Variants in TNPO3 observed in about 807,000 individuals in gnomAD.
The protein encoded by TNPO3 is transportin 3.
A neutral mutation model predicts 122.8 loss-of-function variants in TNPO3; 65 were observed. The ratio of observed to expected loss-of-function variants is 0.53; its 90% CI spans 0.43 to 0.65. The LOEUF (loss-of-function observed/expected upper bound fraction) is 0.65, where lower values mean the gene tolerates loss of function less well. TNPO3 is among the 30% of genes least tolerant of loss of function. The pLI is 0.00. For missense variants in TNPO3, 850 were observed against 1,136.7 expected (o/e 0.75, Z 3.63); for synonymous variants, 372 against 411.2 (o/e 0.90, Z 1.15).
intron 1 of TNPO3, among the ~76,000 whole-genome samples, chr7:129,044,221 C>T (rs1378965342): frequency 1.3e-5 from 2 of 152,230 alleles, no homozygotes; most frequent in African/African-American, 4.8e-5. Context: ...AGCCACTGCG[C>T]CTGGCCTTTT....
intron 22 of TNPO3, among the ~76,000 whole-genome samples, chr7:128,956,678 G>T (rs113844426): frequency 5.6e-4 from 85 of 152,264 alleles, no homozygotes; most frequent in Non-Finnish European, 1.1e-3. Context: ...ACTTCTGAAA[G>T]TGTTTTTTCC....
At chr7:129,053,553 G>C (rs1379193846) in intron 1 of TNPO3, among the ~76,000 whole-genome samples, 1 of 144,672 alleles carries the variant, frequency 6.9e-6, no homozygotes, top group African/African-American at 2.6e-5. Flanking sequence ...TTTTTAAAAA[G>C]TCAAAGTTGC....
intron 1 of TNPO3, among the ~76,000 whole-genome samples, chr7:129,047,884 A>G (rs901287868): frequency 6.6e-6 from 1 of 152,172 alleles, no homozygotes; most frequent in African/African-American, 2.4e-5. Flanking sequence ...AAAAACCACC[A>G]CACACATTAC....
intron 5 of TNPO3, among the ~76,000 whole-genome samples, chr7:129,002,645 A>G (rs765637141): frequency 6.6e-5 from 10 of 152,294 alleles, no homozygotes; most frequent in South Asian, 6.2e-4. Flanking sequence ...CGAGCTGGGC[A>G]TGGTGGCTCA....
chr7:128,962,376 A>G (rs1797553510), intron 21 of TNPO3, among the ~76,000 whole-genome samples: 1 of 151,544 alleles, frequency 6.6e-6, no homozygotes, highest in Admixed American at 6.6e-5. Context: ...CGTCTCAAAA[A>G]AAAAAAAAAA....
At chr7:129,048,331 C>G (rs1000380069) in intron 1 of TNPO3, among the ~76,000 whole-genome samples, 3 of 152,148 alleles carry the variant, frequency 2.0e-5, no homozygotes, top group Non-Finnish European at 4.4e-5. Flanking sequence ...GAGTTTGAGA[C>G]AAACCTGGCC....
chr7:129,018,052 A>C lies in TNPO3; in HGVS notation c.226T>G (p.Tyr76Asp). ...TMKMKIQTSF[Y>D]ELPTDSHASL... ...GCATGAGAGTCTGTGGGGAGCTCAT[A>C]AAATGAGGTCTGAATCTTCATTTTC... The change falls in exon 2 of 23, where the codon TAT becomes GAT. Residue 76 changes from tyrosine to aspartate, a missense_variant. By Grantham distance (160) the Tyr-to-Asp change is radical (BLOSUM62 -3). Transcript: ENST00000265388. The C allele has an allele frequency of 6.2e-7, 1 of 1,614,184 alleles. No individual in the cohort carries two copies. The highest frequency in any genetic ancestry group is 8.5e-7 in the Non-Finnish European group (1 of 1,180,032).
chr7:129,028,578 C>T (rs1218638258), intron 1 of TNPO3, among the ~76,000 whole-genome samples: 1 of 152,200 alleles, frequency 6.6e-6, no homozygotes, highest in Non-Finnish European at 1.5e-5. Flanking sequence ...CAAGGTCAGT[C>T]CCGGCAGCCA....
At chr7:128,967,591 C>T (rs867173753) in intron 20 of TNPO3, among the ~76,000 whole-genome samples, 199 bp from the exon 21 acceptor site, 8 of 152,214 alleles carry the variant, frequency 5.3e-5, no homozygotes, top group Non-Finnish European at 8.8e-5. Context: ...CATATGCATG[C>T]CTAGACTTCC....
intron 17 of TNPO3, among the ~76,000 whole-genome samples, chr7:128,975,225 G>T (rs1341339663): frequency 1.3e-5 from 2 of 152,214 alleles, no homozygotes; most frequent in African/African-American, 4.8e-5. Context: ...CTCAACAGAT[G>T]TCATCTCAAA....
At chr7:129,003,935 T>A (rs1802287647) in intron 5 of TNPO3, among the ~76,000 whole-genome samples, 1 of 152,232 alleles carries the variant, frequency 6.6e-6, no homozygotes, top group African/African-American at 2.4e-5. Context: ...TAATCACATG[T>A]ACATTTTTTA....
intron 9 of TNPO3, among the ~76,000 whole-genome samples, chr7:128,992,968 C>A (rs1800907381): frequency 6.7e-6 from 1 of 149,554 alleles, no homozygotes; most frequent in Non-Finnish European, 1.5e-5. Context: ...CAGAGGTCAT[C>A]TGTCTAAGAT....
At chr7:128,970,338 A>T (rs373643212) in intron 19 of TNPO3, 23 bp from the exon 20 acceptor site, 1 of 1,548,318 alleles carries the variant, frequency 6.5e-7, no homozygotes, top group Non-Finnish European at 8.7e-7. Flanking sequence ...AAGCAGGAAC[A>T]TCAGATAAAT....
rs149337775 is a variant in TNPO3, at chr7:129,016,607, T to C, written c.395+376A>G. Among the ~76,000 whole-genome samples the C allele has an allele frequency of 8.5e-5, 13 of 152,316 alleles. No individual in the cohort carries two copies. In the East Asian group the frequency reaches 2.5e-3, roughly 29 times the overall value. On this transcript the variant is annotated intron_variant, in intron 3 of 22. Coordinates refer to ENST00000265388, the MANE Select transcript of TNPO3 (RefSeq NM_012470.4). ...AAGAATATTGCCCCTCTGATAAACG[T>C]GAAACAAACTCCAATTAGTAAGAAC... is the stretch of plus-strand genomic sequence containing the variant.
intron 1 of TNPO3, chr7:129,041,563 T>C (rs1807384263): frequency 3.0e-6 from 3 of 985,400 alleles, no homozygotes; most frequent in South Asian, 4.7e-5. Context: ...TTACACTTCA[T>C]AGGACTTTCT....
chr7:128,970,023 T>C lies in TNPO3; in HGVS notation c.2598+125A>G. 5.8e-6 allele frequency: 6 copies of C among 1,034,180 alleles called. No individual in the cohort carries two copies. The South Asian group carries it at 7.3e-5, about 13-fold the overall frequency. The allele number at this position is 1,034,180 out of a possible 1,614,324, so 64.1% of individuals were successfully genotyped here. A position where few individuals can be genotyped will look rare whatever the true frequency, so the allele number is the denominator to read the frequency against. ...TTCATCTACCAATCTAATTTGGCAA[T>C]ATGCCTAAATTTGGTTCCATGGACA... On this transcript the variant is annotated intron_variant, in intron 20 of 22. Coordinates refer to ENST00000265388, the MANE Select transcript of TNPO3 (RefSeq NM_012470.4).
rs181883605 is a variant in TNPO3 at position 129,039,342 on chromosome 7, G to A, written c.120+15309C>T. 1.3e-3 allele frequency among the ~76,000 whole-genome samples: 200 copies of A among 152,122 alleles called. 2 individuals are homozygous for A. The highest frequency in any genetic ancestry group is 0.011 in the Admixed American group (175 of 15,272). On this transcript the variant is annotated intron_variant, in intron 1 of 22. Transcript: ENST00000265388. ...TTTGGGAGGCCAAGGCAGGAGGATC[G>A]CTTGAGCCCAAGAGTTTGAAACCAG...
In TNPO3 at chr7:129,040,015, G is replaced by T. The variant is rs544880582; in HGVS notation, c.120+14636C>A. On this transcript the variant is annotated intron_variant, in intron 1 of 22. Transcript: ENST00000265388. ...CACGCCTGTAATCCCAACACTTTGG[G>T]AGACCGAGGCAGGTGGATCACTTGA... Among the ~76,000 whole-genome samples the T allele has an allele frequency of 6.0e-4, 91 of 152,324 alleles. No individual in the cohort carries two copies. The South Asian group carries it at 0.018, about 30-fold the overall frequency.
chr7:129,005,845 A>G (rs146529094), intron 4 of TNPO3, among the ~76,000 whole-genome samples: 1 of 147,252 alleles, frequency 6.8e-6, no homozygotes, highest in Non-Finnish European at 1.5e-5. Flanking sequence ...GCAGTGCCAC[A>G]ATCTCGGCTC....
Sources: allele counts gnomAD v4.1 joint callset (sites outside exome capture counted in the v4.1 genomes callset), GRCh38; gene constraint gnomAD v4.1.1; transcripts MANE v1.5; gene names NCBI Gene and HGNC (gene_info 2026-07-23, HGNC 2026-07-21).